The following CTNNA3 variants were observed in gnomAD, a reference collection of about 807,000 sequenced individuals.
The protein encoded by CTNNA3 is catenin alpha-3.
In CTNNA3, 76 loss-of-function variants were observed where a neutral mutation model predicts 95.7. That is an observed-to-expected ratio of 0.79 (90% CI 0.66 to 0.96). CTNNA3 has a LOEUF of 0.96. CTNNA3 is among the 40% of genes least tolerant of loss of function. CTNNA3 has a pLI of 0.00. For missense variants in CTNNA3, 1,191 were observed against 1,089.8 expected, an observed-to-expected ratio of 1.09 and a Z score of -1.31; for synonymous variants, 431 against 374.4, an observed-to-expected ratio of 1.15 and a Z score of -1.74.
At chr10:67,674,575 T>C (rs1420789297) in intron 1 of CTNNA3, among the ~76,000 whole-genome samples, 1 of 152,152 alleles carries the variant, frequency 6.6e-6, no homozygotes, top group South Asian at 2.1e-4. Flanking sequence ...TAGGTTCACA[T>C]GTCCCCACCT....
At chr10:66,506,343 A>C (rs1840449684) in intron 11 of CTNNA3, among the ~76,000 whole-genome samples, 1 of 152,150 alleles carries the variant, frequency 6.6e-6, no homozygotes, top group Non-Finnish European at 1.5e-5. Context: ...ATATGAAGCC[A>C]TCTGTTGACT....
intron 7 of CTNNA3, among the ~76,000 whole-genome samples, chr10:67,042,866 T>G (rs1854488987): frequency 6.6e-6 from 1 of 152,056 alleles, no homozygotes; most frequent in Non-Finnish European, 1.5e-5. Context: ...AGGAGGTAGT[T>G]AAAGGGCAAT....
rs554158197 is a variant in CTNNA3, at chr10:66,400,159, C to A, written c.1532-20807G>T. The stretch of plus-strand genomic sequence containing the variant: ...AAAAAATGAAAACAAAACAAAGAAT[C>A]AAAACATGTTTACAAAGAAAATATA... On this transcript the variant is annotated intron_variant, in intron 11 of 17. Coordinates refer to ENST00000433211, the MANE Select transcript of CTNNA3 (RefSeq NM_013266.4). Among the ~76,000 whole-genome samples the A allele has an allele frequency of 9.9e-5, 15 of 151,776 alleles. No individual in the cohort carries two copies. In the South Asian group the frequency reaches 1.9e-3, roughly 19 times the overall value.
intron 7 of CTNNA3, among the ~76,000 whole-genome samples, chr10:66,957,955 C>T (rs935744285): frequency 6.6e-6 from 1 of 151,938 alleles, no homozygotes; most frequent in Non-Finnish European, 1.5e-5. Context: ...TGAGAGGGCC[C>T]TCTGAAGCAT....
intron 9 of CTNNA3, among the ~76,000 whole-genome samples, chr10:66,711,228 C>G (rs1848279897): frequency 8.0e-6 from 1 of 125,142 alleles, no homozygotes; most frequent in African/African-American, 3.1e-5. Flanking sequence ...CTTCAAGAAA[C>G]TTTTTCAGCC....
intron 12 of CTNNA3, among the ~76,000 whole-genome samples, chr10:66,327,524 T>C (rs1278808043): frequency 6.6e-6 from 1 of 152,030 alleles, no homozygotes; most frequent in Non-Finnish European, 1.5e-5. Flanking sequence ...GGGGAAAAAT[T>C]CCTGAAATTT....
At chr10:67,700,080 C>T (rs1214875585), upstream of CTNNA3, among the ~76,000 whole-genome samples, 13 of 152,358 alleles carry the variant, frequency 8.5e-5, no homozygotes, top group East Asian at 1.9e-4. Flanking sequence ...GAGGGGCGCC[C>T]GCCATTGCCC....
intron 11 of CTNNA3, among the ~76,000 whole-genome samples, chr10:66,503,435 TTATC>T (rs1840345551): frequency 6.6e-6 from 1 of 152,058 alleles, no homozygotes; most frequent in Non-Finnish European, 1.5e-5. Flanking sequence ...AATGACAGAA[TTATC>T]TATCTTCAAG....
chr10:65,988,392 A>G (rs2078471063), intron 16 of CTNNA3, among the ~76,000 whole-genome samples: 1 of 152,156 alleles, frequency 6.6e-6, no homozygotes, highest in Non-Finnish European at 1.5e-5. Flanking sequence ...TATCAACAAC[A>G]ACAAAACTCG....
chr10:66,403,533 G>C (rs898957173), intron 11 of CTNNA3, among the ~76,000 whole-genome samples: 8 of 152,070 alleles, frequency 5.3e-5, no homozygotes, highest in Non-Finnish European at 7.4e-5. Flanking sequence ...ACTATCATGA[G>C]AGCAGCATGG....
Position 66,331,022 on chromosome 10 carries a change from G to C in CTNNA3, c.1732+48130C>G, listed in dbSNP as rs2092320697. Among the ~76,000 whole-genome samples the C allele has an allele frequency of 2.0e-5, 3 of 151,976 alleles. No homozygotes were observed. The South Asian group carries it at 6.2e-4, about 31-fold the overall frequency. On this transcript the variant is annotated intron_variant, in intron 12 of 17. Transcript: ENST00000433211. ...TTTTCTCCCATTCTGTAGGTTGCCT[G>C]TTCACTCTGATGGTAGTTTCTTTTG...
chr10:66,738,003 G>T (rs1849204481), intron 9 of CTNNA3, among the ~76,000 whole-genome samples: 1 of 152,146 alleles, frequency 6.6e-6, no homozygotes, highest in Non-Finnish European at 1.5e-5. Context: ...TGCACTGAAG[G>T]ATATGACTTT....
intron 2 of CTNNA3, among the ~76,000 whole-genome samples, chr10:67,620,559 G>A (rs1843796164): frequency 6.8e-6 from 1 of 147,624 alleles, no homozygotes; most frequent in Non-Finnish European, 1.5e-5. Context: ...ATTCCCAGTA[G>A]GTAGGAGTTT....
chr10:66,199,801 A>ATG (rs1564756504), intron 13 of CTNNA3, among the ~76,000 whole-genome samples: 16 of 13,188 alleles, frequency 1.2e-3, no homozygotes, highest in Non-Finnish European at 2.0e-3. Flanking sequence ...ATATATATAT[A>ATG]TATATTTTTT....
chr10:67,728,018 ATATAT>A (rs933715526), intron 1 of CTNNA3, among the ~76,000 whole-genome samples: 7 of 140,600 alleles, frequency 5.0e-5, no homozygotes, highest in South Asian at 2.1e-4. Context: ...ATTATATATC[ATATAT>A]TATATATGAT....
intron 5 of CTNNA3, among the ~76,000 whole-genome samples, chr10:67,267,533 T>A (rs1434518711): frequency 1.3e-5 from 2 of 151,982 alleles, no homozygotes; most frequent in Non-Finnish European, 2.9e-5. Flanking sequence ...CCTGGCTAAT[T>A]TTTTTGTATT....
At chr10:66,274,063 A>C (rs1433186755) in intron 13 of CTNNA3, among the ~76,000 whole-genome samples, 1 of 152,184 alleles carries the variant, frequency 6.6e-6, no homozygotes, top group East Asian at 1.9e-4. Context: ...GATTTTCGTA[A>C]AGGCTAAAAC....
chr10:66,233,920 G>A (rs1433670065), intron 13 of CTNNA3, among the ~76,000 whole-genome samples: 8 of 152,112 alleles, frequency 5.3e-5, no homozygotes, highest in Admixed American at 5.2e-4. Context: ...TAAGGAAAAT[G>A]GATGAATCTT....
intron 10 of CTNNA3, among the ~76,000 whole-genome samples, chr10:66,544,340 A>C (rs1387962743): frequency 6.6e-6 from 1 of 152,024 alleles, no homozygotes; most frequent in African/African-American, 2.4e-5. Flanking sequence ...ACACATCCTA[A>C]AGCTTGAGAA....
Sources: allele counts gnomAD v4.1 joint callset (sites outside exome capture counted in the v4.1 genomes callset), GRCh38; gene constraint gnomAD v4.1.1; transcripts MANE v1.5; gene names NCBI Gene and HGNC (gene_info 2026-07-23, HGNC 2026-07-21).